LARP4B: variants seen among roughly 807,000 people sequenced by gnomAD.
LARP4B encodes la-related protein 4B.
A neutral mutation model predicts 89.8 loss-of-function variants in LARP4B; 12 were observed. The observed-to-expected ratio is 0.13, with a 90% CI of 0.09 to 0.22. LARP4B has a LOEUF of 0.22. Among genes scored for constraint, LARP4B ranks in the 10% least tolerant of loss-of-function variants. The pLI is 1.00. For synonymous variants in LARP4B, 367 were observed against 363.3 expected, an observed-to-expected ratio of 1.01 and a Z score of -0.12; for missense variants, 757 against 947.7, an observed-to-expected ratio of 0.80 and a Z score of 2.64.
At chr10:904,932 C>G (rs1836448135) in intron 1 of LARP4B, among the ~76,000 whole-genome samples, 1 of 152,332 alleles carries the variant, frequency 6.6e-6, no homozygotes, top group African/African-American at 2.4e-5. Flanking sequence ...ATGGTGACAT[C>G]TTTGCTTTCT....
intron 17 of LARP4B, 90 bp from the exon 18 acceptor site, chr10:813,303 T>G (rs1379624534): frequency 2.3e-6 from 3 of 1,311,298 alleles, no homozygotes; most frequent in Non-Finnish European, 3.1e-6. Flanking sequence ...AAAAGAGTTT[T>G]CAACTGTAAC....
chr10:946,237 T>C, the LARP4B span, among the ~76,000 whole-genome samples: 1 of 152,226 alleles, frequency 6.6e-6, no homozygotes, highest in Non-Finnish European at 1.5e-5. Flanking sequence ...GAAAATCCAC[T>C]AGCAAACATA....
rs539466180 is a variant in LARP4B at position 811,553 on chromosome 10, C to T, written c.*1373G>A. On this transcript the variant is annotated 3_prime_UTR_variant, in exon 18 of 18. Transcript: ENST00000316157. Reference sequence around the variant, plus strand: ...TAACTGAGTAACTCTGACCCACTCACGCCAACCCAGGGCCGGGCTCCATGG... The same window carrying T: ...TAACTGAGTAACTCTGACCCACTCATGCCAACCCAGGGCCGGGCTCCATGG... The T allele has an allele frequency of 5.2e-5, 8 of 152,760 alleles. No homozygotes were observed. The highest frequency in any genetic ancestry group is 3.4e-3 in the Middle Eastern group (1 of 294). The allele number at this position is 152,760 out of a possible 1,614,324, so 9.5% of individuals were successfully genotyped here.
In LARP4B at chr10:863,785, C is replaced by A. The variant is rs749276375; in HGVS notation, c.388G>T (p.Gly130Cys). The A allele has an allele frequency of 1.9e-6, 3 of 1,613,858 alleles. No homozygotes were observed. The South Asian group carries it at 3.3e-5, about 18-fold the overall frequency. Residue 130 changes from glycine to cysteine, a missense_variant, in exon 5 of 18, where the codon GGT (glycine) becomes TGT (cysteine). By Grantham distance (159) the Gly-to-Cys change is radical. Transcript: ENST00000316157. ...GGCAGAGAGTCATATTCTGAGGGAC[C>A]CAGAGCGAGAGCGTTCATGTCTGCT... ...DPADMNALAL[G>C]PSEYDSLPEN... is the part of the protein sequence containing the mutation.
chr10:881,452 T>C (rs567759870), intron 3 of LARP4B, among the ~76,000 whole-genome samples: 12 of 152,302 alleles, frequency 7.9e-5, no homozygotes, highest in African/African-American at 2.6e-4. Flanking sequence ...TACACTTCAC[T>C]TGAGTCAGCC....
At chr10:956,362 T>C in the LARP4B span, among the ~76,000 whole-genome samples, 18 of 152,046 alleles carry the variant, frequency 1.2e-4, no homozygotes, top group African/African-American at 4.3e-4. This position sits in a 1 kb window ranked among gnomAD's most constrained non-coding sequence, Gnocchi z 4.3. Flanking sequence ...TTTCTTTTTT[T>C]TGAGACAGAG....
chr10:946,703 C>G, the LARP4B span, among the ~76,000 whole-genome samples: 1 of 152,188 alleles, frequency 6.6e-6, no homozygotes, highest in Non-Finnish European at 1.5e-5. Context: ...GAACTAGAAA[C>G]TATTCTGTGA....
upstream of LARP4B, among the ~76,000 whole-genome samples, chr10:935,302 A>G (rs78184029): frequency 6.6e-6 from 1 of 152,180 alleles, no homozygotes; most frequent in Admixed American, 6.5e-5. Context: ...GCTGCTCTGG[A>G]AGTCGAGGGC....
At chr10:829,864 T>A (rs796772811) in intron 9 of LARP4B, 130 bp from the exon 10 acceptor site, 1 of 668,256 alleles carries the variant, frequency 1.5e-6, no homozygotes, top group South Asian at 1.8e-5. Flanking sequence ...AGAATAATGA[T>A]TCTTGACACT....
downstream of LARP4B, chr10:809,097 G>C (rs575608783): frequency 3.3e-5 from 5 of 152,150 alleles, no homozygotes; most frequent in Admixed American, 6.5e-5. Flanking sequence ...CCATCCACTC[G>C]GTGCCTGGCA....
intron 1 of LARP4B, among the ~76,000 whole-genome samples, chr10:920,139 G>A (rs571536587): frequency 4.6e-5 from 7 of 152,270 alleles, no homozygotes; most frequent in Admixed American, 6.5e-5. Context: ...ATACCACAGC[G>A]GAGGGTGCGC....
the LARP4B span, chr10:972,283 C>T: frequency 2.7e-4 from 94 of 350,584 alleles, no homozygotes; most frequent in African/African-American, 1.8e-3. Context: ...CTGCCTCGAC[C>T]TCCCAAAGTG....
chr10:966,564 C>T, the LARP4B span, among the ~76,000 whole-genome samples: 46 of 152,372 alleles, frequency 3.0e-4, no homozygotes, highest in South Asian at 8.3e-4. Flanking sequence ...ACCGAGGAAG[C>T]CGAAGGCTGG....
At chr10:950,201 T>C in the LARP4B span, among the ~76,000 whole-genome samples, 1 of 152,262 alleles carries the variant, frequency 6.6e-6, no homozygotes, top group Non-Finnish European at 1.5e-5. Flanking sequence ...TGTCTTTTCA[T>C]CTTCTTAACA....
At chr10:950,636 C>T in the LARP4B span, among the ~76,000 whole-genome samples, 11 of 152,238 alleles carry the variant, frequency 7.2e-5, no homozygotes, top group African/African-American at 1.9e-4. Context: ...GAACACCCTG[C>T]GTCTCTCTCT....
At chr10:816,289 G>A (rs1392101075) in intron 15 of LARP4B, among the ~76,000 whole-genome samples, 1 of 152,216 alleles carries the variant, frequency 6.6e-6, no homozygotes, top group Non-Finnish European at 1.5e-5. Flanking sequence ...ATGAAATGCA[G>A]ATCCACAACT....
At chr10:897,534 A>G (rs1836221096) in intron 1 of LARP4B, among the ~76,000 whole-genome samples, 1 of 152,224 alleles carries the variant, frequency 6.6e-6, no homozygotes, top group African/African-American at 2.4e-5. Context: ...ATCAAAACGA[A>G]AAACTTTTGC....
the LARP4B span, among the ~76,000 whole-genome samples, chr10:975,280 C>T: frequency 4.9e-4 from 74 of 152,222 alleles, no homozygotes; most frequent in Non-Finnish European, 1.3e-4. Flanking sequence ...GGCATCCACC[C>T]GTGGTGTCCC....
chr10:950,578 C>A, the LARP4B span, among the ~76,000 whole-genome samples: 1 of 152,102 alleles, frequency 6.6e-6, no homozygotes, highest in Non-Finnish European at 1.5e-5. Context: ...ATCTATATAT[C>A]ATTTTGGGAA....
Sources: allele counts gnomAD v4.1 joint callset (sites outside exome capture counted in the v4.1 genomes callset), GRCh38; gene constraint gnomAD v4.1.1; non-coding constraint Gnocchi (gnomAD v3.1); transcripts MANE v1.5; gene names NCBI Gene and HGNC (gene_info 2026-07-23, HGNC 2026-07-21).